The following ARID5B variants were observed in gnomAD, a reference collection of about 807,000 sequenced individuals.
The protein encoded by ARID5B is AT-rich interaction domain 5B.
A neutral mutation model predicts 97.2 loss-of-function variants in ARID5B; 13 were observed. That is an observed-to-expected ratio of 0.13 (90% CI 0.09 to 0.21). The LOEUF (loss-of-function observed/expected upper bound fraction) is 0.21, where lower values mean the gene tolerates loss of function less well. ARID5B is among the 10% of genes least tolerant of loss of function. The pLI is 1.00. For missense variants in ARID5B, 1,210 were observed against 1,465.3 expected (o/e 0.83, Z 2.84); for synonymous variants, 556 against 570.3 (o/e 0.97, Z 0.36).
intron 9 of ARID5B, among the ~76,000 whole-genome samples, chr10:62,088,761 T>G (rs1377499536): frequency 6.6e-6 from 1 of 152,246 alleles, no homozygotes; most frequent in Non-Finnish European, 1.5e-5. Flanking sequence ...TTGGATTTTA[T>G]TGTTTTCATC....
intron 3 of ARID5B, among the ~76,000 whole-genome samples, chr10:61,974,769 T>C (rs1838677248): frequency 2.0e-5 from 3 of 152,214 alleles, no homozygotes; most frequent in African/African-American, 7.2e-5. Context: ...GCTTGGCTGC[T>C]TGCCAAGCGG....
chr10:61,993,764 G>T (rs980442155), intron 3 of ARID5B, among the ~76,000 whole-genome samples: 2 of 152,152 alleles, frequency 1.3e-5, no homozygotes, highest in Non-Finnish European at 2.9e-5. Context: ...TTGGAATAGC[G>T]CCAGGTATAT....
chr10:61,930,833 A>G (rs1844197361), intron 2 of ARID5B, among the ~76,000 whole-genome samples: 1 of 152,194 alleles, frequency 6.6e-6, no homozygotes, highest in Non-Finnish European at 1.5e-5. Context: ...CCCTCTTCAC[A>G]TCTCCTTTTG....
At chr10:61,909,187 T>C (rs1345680475) in intron 2 of ARID5B, among the ~76,000 whole-genome samples, 1 of 152,084 alleles carries the variant, frequency 6.6e-6, no homozygotes, top group Non-Finnish European at 1.5e-5. Context: ...TGCCTTATAG[T>C]TATCTGTGTT....
intron 3 of ARID5B, among the ~76,000 whole-genome samples, chr10:61,940,619 C>G (rs1589227458): frequency 6.6e-6 from 1 of 151,510 alleles, no homozygotes; most frequent in Non-Finnish European, 1.5e-5. Flanking sequence ...ATGTATGGAC[C>G]CTTGTGCTGG....
chr10:62,075,164 C>A (rs74156104), intron 8 of ARID5B, among the ~76,000 whole-genome samples: 4,747 of 152,294 alleles, frequency 0.031, 246 homozygotes, highest in African/African-American at 0.11. Context: ...GAAACTGGCA[C>A]GCACAGCCCG....
intron 4 of ARID5B, among the ~76,000 whole-genome samples, chr10:62,021,645 C>T (rs1417503893): frequency 6.6e-6 from 1 of 152,160 alleles, no homozygotes; most frequent in South Asian, 2.1e-4. Flanking sequence ...CATTCTGGCC[C>T]TTTCTGGGGT....
chr10:62,083,368 A>C (rs955147999), intron 8 of ARID5B, among the ~76,000 whole-genome samples: 31 of 150,996 alleles, frequency 2.1e-4, no homozygotes, highest in Middle Eastern at 3.5e-3. Flanking sequence ...GTGAACTTGC[A>C]AAATTAGAAA....
chr10:62,042,370 A>G (rs1217756374), intron 4 of ARID5B, among the ~76,000 whole-genome samples: 4 of 152,196 alleles, frequency 2.6e-5, no homozygotes, highest in African/African-American at 4.8e-5. Flanking sequence ...AGAGATGAAT[A>G]GGAGAAAGGA....
At chr10:62,015,249 T>G (rs897701621) in intron 4 of ARID5B, among the ~76,000 whole-genome samples, 6 of 152,224 alleles carry the variant, frequency 3.9e-5, no homozygotes, top group Admixed American at 3.3e-4. Flanking sequence ...ACCTACTATG[T>G]TCATTATCTC....
intron 2 of ARID5B, among the ~76,000 whole-genome samples, chr10:61,909,332 T>TG (rs1843761709): frequency 2.1e-5 from 3 of 142,682 alleles, no homozygotes; most frequent in Admixed American, 7.0e-5. Flanking sequence ...TTTTTTTTTT[T>TG]TTTTTTTTTT....
At chr10:61,993,391 C>A (rs77343179) in intron 3 of ARID5B, among the ~76,000 whole-genome samples, 113 of 152,324 alleles carry the variant, frequency 7.4e-4, no homozygotes, top group African/African-American at 2.5e-3. Context: ...GTCATATGCT[C>A]TGCTGCATTT....
chr10:61,908,820 A>AAAAAAAG (rs1251041161), intron 2 of ARID5B, among the ~76,000 whole-genome samples: 10 of 146,250 alleles, frequency 6.8e-5, no homozygotes, highest in African/African-American at 2.7e-4. Flanking sequence ...AAAAAAAAAA[A>AAAAAAAG]AAGAAGAAGA....
Position 61,930,893 on chromosome 10 carries a change from C to T in ARID5B, c.277-9290C>T, listed in dbSNP as rs541481808. On this transcript the variant is annotated intron_variant, in intron 2 of 9. Coordinates refer to ENST00000279873, the MANE Select transcript of ARID5B (RefSeq NM_032199.3). ...ACAAACGCTGGTACATTGACTATTG[C>T]TATTACTGTGAGTAATAAACCATTT... Among the ~76,000 whole-genome samples the T allele has an allele frequency of 2.6e-5, 4 of 152,152 alleles. No individual in the cohort carries two copies. The South Asian group carries it at 6.2e-4, about 24-fold the overall frequency.
At chr10:62,008,123 G>A (rs1352753479) in intron 4 of ARID5B, among the ~76,000 whole-genome samples, 3 of 128,254 alleles carry the variant, frequency 2.3e-5, no homozygotes, top group Admixed American at 9.7e-5. Context: ...CTTTGTAAAT[G>A]TATATAGGGA....
intron 3 of ARID5B, among the ~76,000 whole-genome samples, chr10:61,998,478 G>C (rs909901547): frequency 1.3e-5 from 2 of 152,196 alleles, no homozygotes; most frequent in Admixed American, 1.3e-4. Flanking sequence ...AATTCAGCTT[G>C]ATGTTGTACA....
chr10:62,057,179 C>T lies in ARID5B; in HGVS notation c.909C>T (p.Val303=), dbSNP rs992197077. ...AGAATAACCATAACTGTAAAAAAGT[C>T]TCAAATGAAGAAAAACCAAAGGTTG... ...KPKNNHNCKK[V]SNEEKPKVAI... Residue 303 remains valine (V), a synonymous_variant, in exon 6 of 10, where the codon GTC becomes GTT. Transcript: ENST00000279873. The T allele has an allele frequency of 1.9e-6, 3 of 1,613,372 alleles. No homozygotes were observed. The highest frequency in any genetic ancestry group is 2.5e-6 in the Non-Finnish European group (3 of 1,179,576).
At chr10:62,014,804 A>G (rs80060331) in intron 4 of ARID5B, among the ~76,000 whole-genome samples, 2,145 of 152,286 alleles carry the variant, frequency 0.014, 49 homozygotes, top group African/African-American at 0.049. Flanking sequence ...AAAAATAATA[A>G]TAGCTTTGAA....
At chr10:62,041,582 T>C (rs1433874189) in intron 4 of ARID5B, among the ~76,000 whole-genome samples, 2 of 152,236 alleles carry the variant, frequency 1.3e-5, no homozygotes, top group African/African-American at 2.4e-5. Context: ...CTTATGTGTA[T>C]GTCTTTTAAA....
Sources: gnomAD v4.1 joint callset for allele counts (sites outside exome capture counted in the v4.1 genomes callset) on GRCh38, gnomAD v4.1.1 for gene constraint, MANE v1.5 for transcripts, NCBI Gene and HGNC (gene_info 2026-07-23, HGNC 2026-07-21) for gene names.